The following SERPINI2 variants were observed in gnomAD, a reference collection of about 807,000 sequenced individuals.
The protein encoded by SERPINI2 is serpin family I member 2, also known as serpin I2.
In SERPINI2, 48 loss-of-function variants were observed where a neutral mutation model predicts 47.3. The observed-to-expected ratio is 1.02, with a 90% confidence interval of 0.81 to 1.29. The LOEUF (loss-of-function observed/expected upper bound fraction) is 1.29, where lower values mean the gene tolerates loss of function less well. SERPINI2 is among the 50% of genes most tolerant of loss of function. The pLI is 0.00. For synonymous variants in SERPINI2, 135 were observed against 149.3 expected, an observed-to-expected ratio of 0.90 and a Z score of 0.70; for missense variants, 448 against 456.9, an observed-to-expected ratio of 0.98 and a Z score of 0.18.
intron 2 of SERPINI2, 114 bp downstream of exon 2, chr3:167,471,474 T>A: frequency 2.0e-6 from 2 of 993,514 alleles, no homozygotes; most frequent in Non-Finnish European, 2.8e-6. Context: ...TACAATTTTG[T>A]ACTTTTCATT....
At chr3:167,446,437 T>A in exon 8 of SERPINI2, 1 of 1,610,772 alleles carries the variant, frequency 6.2e-7, no homozygotes, top group South Asian at 1.1e-5. Flanking sequence ...TGATTTGCTA[T>A]AAATTGGCTT....
chr3:167,451,661 T>G (rs2108155524), intron 6 of SERPINI2, among the ~76,000 whole-genome samples: 2 of 152,356 alleles, frequency 1.3e-5, no homozygotes, highest in Non-Finnish European at 2.9e-5. Context: ...TGAAACATTT[T>G]GGAAGTATTT....
At position 167,453,187 on chromosome 3, in the gene SERPINI2, C is replaced by T. The variant is rs747915889; in HGVS notation, c.867-154G>A. Among the ~76,000 whole-genome samples, 20 of 152,094 alleles carry T rather than the reference C, an allele frequency of 1.3e-4. 1 individual carries two copies. Among genetic ancestry groups the T allele is most frequent in the Middle Eastern group, 3.2e-3 (1 of 316 alleles). ...TTCTCACATTTCACACCATTTTCCC[C>T]GGCTCCAACAATCAGCTCTGGGTTG... On this transcript the variant is annotated intron_variant, in intron 5 of 8. Transcript: ENST00000264677.
chr3:167,458,209 A>T (rs1263239456), intron 5 of SERPINI2, among the ~76,000 whole-genome samples: 1 of 143,750 alleles, frequency 7.0e-6, no homozygotes, highest in Admixed American at 6.9e-5. Flanking sequence ...TTTAGTACTT[A>T]CTGTACATTG....
intron 2 of SERPINI2, among the ~76,000 whole-genome samples, 192 bp downstream of exon 2, chr3:167,471,395 AT>A (rs1750314797): frequency 6.6e-6 from 1 of 152,254 alleles, no homozygotes; most frequent in South Asian, 2.1e-4. Context: ...TTTCTTAATA[AT>A]TTTTGTAACC....
At chr3:167,442,476 G>A (rs1749354842) in intron 8 of SERPINI2, among the ~76,000 whole-genome samples, 1 of 152,168 alleles carries the variant, frequency 6.6e-6, no homozygotes, top group Non-Finnish European at 1.5e-5. Context: ...ACAGAGAGGT[G>A]TTCTTCTAAA....
intron 2 of SERPINI2, among the ~76,000 whole-genome samples, chr3:167,468,383 T>G (rs371270336): frequency 3.3e-5 from 5 of 151,758 alleles, no homozygotes; most frequent in African/African-American, 1.2e-4. Flanking sequence ...AGCCCATAGG[T>G]CATCTTTGTG....
chr3:167,462,733 T>C (rs1341552773), intron 5 of SERPINI2, among the ~76,000 whole-genome samples: 1 of 152,034 alleles, frequency 6.6e-6, no homozygotes. Context: ...AAGTGTGGAG[T>C]GTGGCCCTGG....
rs948538331 is a variant in SERPINI2 at position 167,469,591 on chromosome 3, A to G, written c.247+1997T>C. On this transcript the variant is annotated intron_variant, in intron 2 of 8. Coordinates refer to ENST00000264677, the Ensembl canonical transcript of SERPINI2. ...TTCTCTTTTCAAAACCCTGTGGAAA[A>G]AAGAAGCACATTGAATTTAGCCTTT... is the stretch of plus-strand genomic sequence containing the variant. The G allele has an allele frequency of 1.1e-4, 17 of 152,130 alleles. 1 individual carries two copies. The highest frequency in any genetic ancestry group is 2.9e-5 in the Non-Finnish European group (2 of 68,022). The allele number at this position is 152,130 out of a possible 1,614,324, so 9.4% of individuals were successfully genotyped here. A position where few individuals can be genotyped will look rare whatever the true frequency, so the allele number is the denominator to read the frequency against.
In SERPINI2 at chr3:167,453,053, AAAAAG is replaced by A. The variant is rs746354481; in HGVS notation, c.867-25_867-21del. The A allele has an allele frequency of 4.1e-5, 58 of 1,407,336 alleles. No individual in the cohort carries two copies. Among genetic ancestry groups the A allele is most frequent in the East Asian group, 9.3e-5 (4 of 42,914 alleles). 87.2% of individuals were successfully genotyped at this position (1,407,336 alleles called of 1,614,324 possible). A position where few individuals can be genotyped will look rare whatever the true frequency, so the allele number is the denominator to read the frequency against. ...TTAAATCTGTTATTAAAAAAAAAAGAAAAAGAAAAGTCTTGAAACACTGCACATTT... is the reference window on the plus strand; with the variant it reads ...TTAAATCTGTTATTAAAAAAAAAAGAAAAAGTCTTGAAACACTGCACATTT... On this transcript the variant is annotated intron_variant, in intron 5 of 8. Transcript: ENST00000264677.
In SERPINI2 at chr3:167,471,851, T is replaced by G; in HGVS notation, c.-10-7A>C. ...TGTGTCCATTTTGACTTCTCTGTAT[T>G]GTTTAAATCAAAATATATTCATTTT... On this transcript the variant is annotated splice_polypyrimidine_tract_variant and splice_region_variant and intron_variant, in intron 1 of 8. Transcript: ENST00000264677. 6.3e-7 allele frequency: 1 copy of G among 1,590,184 alleles called. No individual in the cohort carries two copies. The highest frequency in any genetic ancestry group is 1.3e-5 in the African/African-American group (1 of 74,152).
chr3:167,443,319 G>T (rs375294169), intron 8 of SERPINI2, among the ~76,000 whole-genome samples: 7 of 152,080 alleles, frequency 4.6e-5, no homozygotes, highest in African/African-American at 1.7e-4. Flanking sequence ...GTATTAGCTG[G>T]GATGGTCTCG....
At chr3:167,462,499 T>C (rs547385822) in intron 5 of SERPINI2, among the ~76,000 whole-genome samples, 7 of 150,364 alleles carry the variant, frequency 4.7e-5, no homozygotes, top group Middle Eastern at 3.4e-3. Flanking sequence ...CTGTCTAAAT[T>C]TTCCTTTTTA....
chr3:167,452,678 AC>A (rs1294251483), intron 6 of SERPINI2, among the ~76,000 whole-genome samples: 7 of 152,216 alleles, frequency 4.6e-5, no homozygotes, highest in Non-Finnish European at 8.8e-5. Flanking sequence ...CCCATATAAT[AC>A]TTTTACTTAT....
chr3:167,457,903 G>GA (rs1013425164), intron 5 of SERPINI2, among the ~76,000 whole-genome samples: 1 of 152,130 alleles, frequency 6.6e-6, no homozygotes, highest in Non-Finnish European at 1.5e-5. Context: ...AAGTTTTATA[G>GA]AAAAATAGGA....
intron 2 of SERPINI2, 114 bp from the exon 3 acceptor site, chr3:167,467,399 ATAAC>A (rs1264227751): frequency 4.1e-5 from 26 of 638,108 alleles, no homozygotes; most frequent in African/African-American, 3.7e-4. Flanking sequence ...ACCCTTAGGT[ATAAC>A]TAACAATCCC....
At chr3:167,461,278 C>T (rs1430133376) in intron 5 of SERPINI2, among the ~76,000 whole-genome samples, 1 of 152,094 alleles carries the variant, frequency 6.6e-6, no homozygotes, top group Non-Finnish European at 1.5e-5. Context: ...TTATTTAGCA[C>T]CTTTTAGTTG....
upstream of SERPINI2, chr3:167,474,216 A>G: frequency 2.9e-6 from 2 of 679,004 alleles, no homozygotes; most frequent in Non-Finnish European, 3.6e-6. Flanking sequence ...ATGTGCAAGA[A>G]TTGAGAAAAA....
chr3:167,471,916 T>C (rs1577180165), intron 1 of SERPINI2, 72 bp from the exon 2 acceptor site: 1 of 1,150,104 alleles, frequency 8.7e-7, no homozygotes, highest in Admixed American at 2.0e-5. Context: ...CAGAAAACTT[T>C]CTACCTGTTG....
Sources: allele counts gnomAD v4.1 joint callset (sites outside exome capture counted in the v4.1 genomes callset), GRCh38; gene constraint gnomAD v4.1.1; transcripts MANE v1.5; gene names NCBI Gene and HGNC (gene_info 2026-07-23, HGNC 2026-07-21).